The following CNOT4 variants were observed in gnomAD, a reference collection of about 807,000 sequenced individuals.
CNOT4 encodes CCR4-NOT transcription complex subunit 4, also known as CCR4-associated factor 4.
CNOT4 carries 8 observed loss-of-function variants against 73.8 expected under a neutral mutation model. That is an observed-to-expected ratio of 0.11 (90% CI 0.06 to 0.20). The LOEUF (loss-of-function observed/expected upper bound fraction) is 0.20, where lower values mean the gene tolerates loss of function less well. Among genes scored for constraint, CNOT4 ranks in the 10% least tolerant of loss-of-function variants. The probability of loss-of-function intolerance (pLI) is 1.00; values close to 1 mark genes in which losing one functional copy is unlikely to be tolerated. For missense variants in CNOT4, 564 were observed against 883.4 expected, an observed-to-expected ratio of 0.64 and a Z score of 4.58; for synonymous variants, 293 against 321.1, an observed-to-expected ratio of 0.91 and a Z score of 0.94.
At chr7:135,413,346 C>T (rs980545380) in intron 6 of CNOT4, 142 bp downstream of exon 6, 2 of 903,958 alleles carry the variant, frequency 2.2e-6, no homozygotes, top group African/African-American at 3.4e-5. Context: ...TTCCATTAAA[C>T]ACTTCATTTG....
chr7:135,400,504 C>A (rs1796949547), intron 7 of CNOT4, among the ~76,000 whole-genome samples: 1 of 152,042 alleles, frequency 6.6e-6, no homozygotes, highest in South Asian at 2.1e-4. Flanking sequence ...TTCCCAGTCA[C>A]CACCCAATTT....
intron 3 of CNOT4, among the ~76,000 whole-genome samples, chr7:135,421,915 C>T (rs908385623): frequency 5.9e-5 from 9 of 152,302 alleles, no homozygotes; most frequent in Non-Finnish European, 1.0e-4. Flanking sequence ...CGTTAGAAAT[C>T]TAGTTCAACT....
chr7:135,365,850 C>T (rs933193129), intron 10 of CNOT4, among the ~76,000 whole-genome samples: 3 of 152,218 alleles, frequency 2.0e-5, no homozygotes, highest in Middle Eastern at 6.8e-3. Context: ...CACTAGTTTC[C>T]CCCTGGCTCC....
At chr7:135,492,258 G>A (rs148970553) in intron 1 of CNOT4, among the ~76,000 whole-genome samples, 121 of 152,244 alleles carry the variant, frequency 7.9e-4, no homozygotes, top group African/African-American at 2.8e-3. Flanking sequence ...TGAATTTAAA[G>A]TGAGGGCAGT....
Position 135,364,804 on chromosome 7 carries a change from T to C in CNOT4, c.1628-738A>G, listed in dbSNP as rs776753429. Among the ~76,000 whole-genome samples the C allele has an allele frequency of 8.5e-5, 13 of 152,296 alleles. No homozygotes were observed. The highest frequency in any genetic ancestry group is 1.5e-4 in the Non-Finnish European group (10 of 68,012). On this transcript the variant is annotated intron_variant, in intron 10 of 11. Coordinates refer to ENST00000541284, the MANE Select transcript of CNOT4 (RefSeq NM_001190850.2). The surrounding 1 kb of genome is among the most constrained non-coding windows in gnomAD (Gnocchi z 4.3). ...GTCTATTTATGAATAGTATCAAACA[T>C]GAGAAGACACTAGCAACATAGAAAA...
intron 7 of CNOT4, among the ~76,000 whole-genome samples, chr7:135,401,174 C>A (rs571250526): frequency 8.5e-5 from 13 of 152,312 alleles, no homozygotes; most frequent in African/African-American, 3.1e-4. Context: ...CACAACTCCA[C>A]TGGCATCAGA....
At chr7:135,450,271 G>A (rs187294934) in intron 1 of CNOT4, among the ~76,000 whole-genome samples, 3 of 152,168 alleles carry the variant, frequency 2.0e-5, no homozygotes, top group Non-Finnish European at 2.9e-5. Flanking sequence ...TTCTGAAGAC[G>A]TTTTTTAAGA....
At chr7:135,388,540 A>G in intron 10 of CNOT4, 3 of 1,067,224 alleles carry the variant, frequency 2.8e-6, no homozygotes, top group Non-Finnish European at 3.4e-6. Context: ...CTACAAGTTT[A>G]TTTTTATGAG....
In CNOT4 at chr7:135,362,537, T is replaced by C. The variant is rs767288200; in HGVS notation, c.*348A>G. On this transcript the variant is annotated 3_prime_UTR_variant, in exon 12 of 12. Coordinates refer to ENST00000541284, the MANE Select transcript of CNOT4 (RefSeq NM_001190850.2). ...CTTGAGCTTTCCTATAGATTAATCG[T>C]CATTTTCTGCTAAGCAGATTATGTC... The C allele has an allele frequency of 7.6e-6, 3 of 396,812 alleles. No homozygotes were observed. Among genetic ancestry groups the C allele is most frequent in the Non-Finnish European group, 1.4e-5 (3 of 210,292 alleles). The allele number at this position is 396,812 out of a possible 1,614,324, so 24.6% of individuals were successfully genotyped here.
intron 7 of CNOT4, 62 bp downstream of exon 7, chr7:135,410,453 A>G: frequency 1.8e-6 from 2 of 1,128,436 alleles, no homozygotes; most frequent in Non-Finnish European, 2.4e-6. Context: ...AAGATCTAAA[A>G]TGAAAAGAGA....
At chr7:135,398,023 C>T in intron 8 of CNOT4, 146 bp downstream of exon 8, 1 of 650,900 alleles carries the variant, frequency 1.5e-6, no homozygotes, top group Non-Finnish European at 2.7e-6. Flanking sequence ...GGGGAAAAGG[C>T]TAATTATAAT....
At chr7:135,489,457 G>A (rs1802962030) in intron 1 of CNOT4, among the ~76,000 whole-genome samples, 1 of 144,342 alleles carries the variant, frequency 6.9e-6, no homozygotes, top group Non-Finnish European at 1.5e-5. Flanking sequence ...GTGCAAGGGC[G>A]TGATCTCAGC....
intron 10 of CNOT4, among the ~76,000 whole-genome samples, chr7:135,382,504 C>T (rs146375768): frequency 3.5e-4 from 53 of 151,440 alleles, no homozygotes; most frequent in South Asian, 8.4e-4. Flanking sequence ...CTGACATATA[C>T]GGAGTGAGTT....
At chr7:135,459,907 G>C (rs981789367) in intron 1 of CNOT4, among the ~76,000 whole-genome samples, 7 of 152,198 alleles carry the variant, frequency 4.6e-5, no homozygotes, top group African/African-American at 1.7e-4. Context: ...ATCTTAGCTA[G>C]ATCTTCTGGA....
chr7:135,413,915 T>A (rs1341461915), intron 5 of CNOT4, among the ~76,000 whole-genome samples: 1 of 152,010 alleles, frequency 6.6e-6, no homozygotes, highest in Non-Finnish European at 1.5e-5. Context: ...TATGAGTGGT[T>A]AGACACATAA....
At chr7:135,395,547 A>AAATAT in intron 9 of CNOT4, 87 bp downstream of exon 9, 1 of 1,409,608 alleles carries the variant, frequency 7.1e-7, no homozygotes. Flanking sequence ...CAAAAGATAA[A>AAATAT]AATATATCCA....
intron 1 of CNOT4, among the ~76,000 whole-genome samples, chr7:135,495,743 A>G (rs986848741): frequency 1.6e-5 from 2 of 127,658 alleles, no homozygotes; most frequent in Admixed American, 1.6e-4. Context: ...AGAAAGAAAG[A>G]AAGAAAGAAA....
At chr7:135,415,913 GTTTC>G (rs1478118807) in intron 3 of CNOT4, among the ~76,000 whole-genome samples, 3 of 151,790 alleles carry the variant, frequency 2.0e-5, no homozygotes, top group African/African-American at 7.3e-5. Context: ...AAATTTACAC[GTTTC>G]TTTCTTTATT....
At chr7:135,486,296 T>C (rs1035874486) in intron 1 of CNOT4, among the ~76,000 whole-genome samples, 10 of 152,070 alleles carry the variant, frequency 6.6e-5, no homozygotes, top group Admixed American at 2.6e-4. Context: ...CCAATAAGCA[T>C]ATGAAAAAAT....
Sources: allele counts gnomAD v4.1 joint callset (sites outside exome capture counted in the v4.1 genomes callset), GRCh38; gene constraint gnomAD v4.1.1; non-coding constraint Gnocchi (gnomAD v3.1); transcripts MANE v1.5; gene names NCBI Gene and HGNC (gene_info 2026-07-23, HGNC 2026-07-21).